The following RFC1 variants were observed in gnomAD, a reference collection of about 807,000 sequenced individuals.
RFC1 encodes the protein A1 140 kDa subunit.
Under a neutral mutation model 137.4 loss-of-function variants are expected in RFC1, and 37 were observed. That is an observed-to-expected ratio of 0.27 (90% CI 0.21 to 0.35). The LOEUF (loss-of-function observed/expected upper bound fraction) is 0.35, where lower values mean the gene tolerates loss of function less well. Ranked by LOEUF, RFC1 falls within the 10% of genes least tolerant of loss-of-function variation. The pLI, the probability that RFC1 is intolerant of heterozygous loss-of-function variation, is 1.00. For missense variants in RFC1, 1,205 were observed against 1,358.5 expected (o/e 0.89, Z 1.78); for synonymous variants, 429 against 455.7 (o/e 0.94, Z 0.75).
Position 39,355,605 on chromosome 4 carries a change from CTT to C in RFC1, c.4-4131_4-4130del, listed in dbSNP as rs143840899. Among the ~76,000 whole-genome samples the C allele has an allele frequency of 4.2e-3, 634 of 152,318 alleles. 3 individuals are homozygous for C. Among genetic ancestry groups the C allele is most frequent in the African/African-American group, 0.015 (610 of 41,570 alleles). On this transcript the variant is annotated intron_variant, in intron 1 of 24. Coordinates refer to ENST00000349703, the MANE Select transcript of RFC1 (RefSeq NM_002913.5). Reference sequence around the variant, plus strand: ...TCACAAATAAGCAGATAAGTTAAAACTTGATCATTTTCCCCTAAGTTTTAGAA... The same window carrying C: ...TCACAAATAAGCAGATAAGTTAAAACGATCATTTTCCCCTAAGTTTTAGAA...
chr4:39,336,463 T>C (rs910734659), intron 4 of RFC1, among the ~76,000 whole-genome samples: 1 of 152,254 alleles, frequency 6.6e-6, no homozygotes, highest in Admixed American at 6.5e-5. Flanking sequence ...AAGCCTTCAT[T>C]TATTCTGTGA....
At position 39,312,871 on chromosome 4, in the gene RFC1, C is replaced by G. The variant is rs1739030336; in HGVS notation, c.1264G>C (p.Glu422Gln). ...FVITGVLESI[E>Q]RDEAKSLIER... The stretch of plus-strand genomic sequence containing the variant: ...ATTAGAGACTTGGCCTCATCTCGTT[C>G]AATAGACTCCAGCACGCCTGTGATT... The change falls in exon 11 of 25, where the codon GAA (glutamate) becomes CAA (glutamine). Residue 422 changes from glutamate to glutamine, a missense_variant. Physicochemically the swap from Glu to Gln is conservative, Grantham distance 29. Transcript: ENST00000349703. 6.2e-7 allele frequency: 1 copy of G among 1,613,960 alleles called. No homozygotes were observed. The highest frequency in any genetic ancestry group is 1.3e-5 in the African/African-American group (1 of 74,876).
At chr4:39,315,297 T>C (rs1157103191) in intron 10 of RFC1, among the ~76,000 whole-genome samples, 1 of 152,220 alleles carries the variant, frequency 6.6e-6, no homozygotes, top group Non-Finnish European at 1.5e-5. Context: ...TGAAATACTC[T>C]CTCTTCCCTT....
At chr4:39,313,834 A>G (rs1311166885) in intron 10 of RFC1, among the ~76,000 whole-genome samples, 1 of 152,192 alleles carries the variant, frequency 6.6e-6, no homozygotes, top group Admixed American at 6.5e-5. Flanking sequence ...ACTTAAAGGC[A>G]AGATCGTATT....
chr4:39,288,972 G>C lies in RFC1; in HGVS notation c.3361-128C>G. On this transcript the variant is annotated intron_variant, in intron 24 of 24. Transcript: ENST00000349703. ...AAAAAGAAGAGAGGCTGCAAACATC[G>C]AGATCTTGAACTACTGCAACCCATG... 1.5e-5 allele frequency: 10 copies of C among 683,532 alleles called. 1 individual carries two copies. In the South Asian group the frequency reaches 1.7e-4, roughly 11 times the overall value. 42.3% of individuals were successfully genotyped at this position (683,532 alleles called of 1,614,324 possible).
At chr4:39,308,198 T>C (rs2079872061) in intron 13 of RFC1, among the ~76,000 whole-genome samples, 1 of 152,160 alleles carries the variant, frequency 6.6e-6, no homozygotes, top group African/African-American at 2.4e-5. Context: ...TGCTGTCACA[T>C]GGCTTCAGAC....
intron 21 of RFC1, among the ~76,000 whole-genome samples, chr4:39,299,631 A>G (rs1393060403): frequency 4.0e-5 from 6 of 150,046 alleles, no homozygotes; most frequent in African/African-American, 1.2e-4. Context: ...AAAAAAAAAG[A>G]AAGAAAGAAA....
chr4:39,290,137 C>G, intron 23 of RFC1, 98 bp from the exon 24 acceptor site: 1 of 799,176 alleles, frequency 1.3e-6, no homozygotes, highest in Non-Finnish European at 2.1e-6. Flanking sequence ...CCCCCTGCAA[C>G]TGTTTGCAAA....
chr4:39,326,811 A>G (rs1225743353), intron 5 of RFC1, among the ~76,000 whole-genome samples, 171 bp from the exon 6 acceptor site: 1 of 152,186 alleles, frequency 6.6e-6, no homozygotes, highest in Admixed American at 6.5e-5. Flanking sequence ...CTCCCTGACC[A>G]TATCCAATCC....
chr4:39,365,327 A>T, intron 1 of RFC1: 7 of 230,414 alleles, frequency 3.0e-5, no homozygotes, highest in Non-Finnish European at 4.9e-5. Context: ...CCCCCCCCAG[A>T]ATGTTGTCAC....
At chr4:39,306,543 A>G (rs1443731485) in intron 14 of RFC1, 49 bp downstream of exon 14, 1 of 1,004,640 alleles carries the variant, frequency 1.0e-6, no homozygotes, top group Admixed American at 1.7e-5. Context: ...TCTCCTAGCC[A>G]TGACCACTCG....
intron 10 of RFC1, 68 bp downstream of exon 10, chr4:39,316,847 G>A (rs888263018): frequency 1.8e-5 from 16 of 882,914 alleles, no homozygotes; most frequent in South Asian, 1.5e-4. Context: ...TATAATCATC[G>A]TGAATACATA....
chr4:39,343,830 G>A (rs1410253272), intron 3 of RFC1, among the ~76,000 whole-genome samples: 1 of 152,158 alleles, frequency 6.6e-6, no homozygotes, highest in Non-Finnish European at 1.5e-5. Flanking sequence ...CACACCAGAA[G>A]GCCGGGTGTG....
chr4:39,341,520 AC>A (rs1740604689), intron 4 of RFC1: 1 of 431,302 alleles, frequency 2.3e-6, no homozygotes, highest in Non-Finnish European at 4.7e-6. Context: ...AGTTTCATCA[AC>A]AAATGTTTCA....
In RFC1 at chr4:39,342,068, C is replaced by T. The variant is rs187197267; in HGVS notation, c.331+277G>A. Among the ~76,000 whole-genome samples the T allele has an allele frequency of 2.0e-5, 3 of 152,208 alleles. No individual in the cohort carries two copies. In the East Asian group the frequency reaches 5.8e-4, roughly 29 times the overall value. ...CATTAAAAAAGTAGTTCTAAAACAA[C>T]CCAATACTATTTTAATATGTGATTC... is the stretch of plus-strand genomic sequence containing the variant. On this transcript the variant is annotated intron_variant, in intron 4 of 24. Transcript: ENST00000349703.
chr4:39,290,155 T>C, intron 23 of RFC1, 116 bp from the exon 24 acceptor site: 1 of 640,828 alleles, frequency 1.6e-6, no homozygotes, highest in Non-Finnish European at 2.7e-6. Context: ...AAAGTATTTA[T>C]GTATATACAT....
At chr4:39,337,510 ATCTC>A (rs958372074) in intron 4 of RFC1, among the ~76,000 whole-genome samples, 11 of 151,372 alleles carry the variant, frequency 7.3e-5, no homozygotes, top group Non-Finnish European at 7.4e-5. Context: ...ATTAATTTAA[ATCTC>A]TCATCTTCAA....
intron 22 of RFC1, among the ~76,000 whole-genome samples, chr4:39,293,211 T>C (rs755275308): frequency 9.9e-5 from 15 of 152,166 alleles, no homozygotes; most frequent in Non-Finnish European, 1.9e-4. Context: ...CGCTAGTACT[T>C]AAAGGAAGCA....
At chr4:39,348,432 A>AG (rs1560619877) in intron 2 of RFC1, among the ~76,000 whole-genome samples, 1 of 85,648 alleles carries the variant, frequency 1.2e-5, no homozygotes, top group Non-Finnish European at 2.5e-5. Context: ...CAAAAAAGAA[A>AG]AGAAAAGAAA....
Sources: gnomAD v4.1 joint callset for allele counts (sites outside exome capture counted in the v4.1 genomes callset) on GRCh38, gnomAD v4.1.1 for gene constraint, MANE v1.5 for transcripts, NCBI Gene and HGNC (gene_info 2026-07-23, HGNC 2026-07-21) for gene names.